The following EBF2 variants were observed in gnomAD, a reference collection of about 807,000 sequenced individuals.
EBF2 encodes the protein EBF transcription factor 2.
A neutral mutation model predicts 72.8 loss-of-function variants in EBF2; 21 were observed. The observed-to-expected ratio is 0.29, with a 90% CI of 0.20 to 0.42. The LOEUF is 0.42. Ranked by LOEUF, EBF2 falls within the 10% of genes least tolerant of loss-of-function variation. The pLI, the probability that EBF2 is intolerant of heterozygous loss-of-function variation, is 1.00. For missense variants in EBF2, 637 were observed against 731.2 expected, an observed-to-expected ratio of 0.87 and a Z score of 1.49; for synonymous variants, 299 against 274.2, an observed-to-expected ratio of 1.09 and a Z score of -0.89.
intron 6 of EBF2, among the ~76,000 whole-genome samples, chr8:26,010,988 TACACACACACAC>T (rs36211488): frequency 2.0e-5 from 3 of 150,762 alleles, no homozygotes; most frequent in African/African-American, 4.9e-5. Flanking sequence ...TATGTGTGCA[TACACACACACAC>T]ACACACACAC....
At chr8:26,025,304 T>G (rs1171794950) in intron 6 of EBF2, among the ~76,000 whole-genome samples, 1 of 152,226 alleles carries the variant, frequency 6.6e-6, no homozygotes, top group Non-Finnish European at 1.5e-5. Context: ...ATTTTTTGTG[T>G]GCTTATTTAC....
At chr8:25,909,252 A>C (rs1482748417) in intron 6 of EBF2, among the ~76,000 whole-genome samples, 1 of 152,152 alleles carries the variant, frequency 6.6e-6, no homozygotes, top group Admixed American at 6.5e-5. Flanking sequence ...CTATCTGTGC[A>C]ATTTTAAAAT....
intron 6 of EBF2, among the ~76,000 whole-genome samples, chr8:26,016,099 T>C (rs1365652241): frequency 6.6e-6 from 1 of 152,218 alleles, no homozygotes; most frequent in Non-Finnish European, 1.5e-5. Context: ...GTCTTTGAGA[T>C]TTATGATGCC....
At chr8:25,873,176 A>T (rs1802470017) in intron 10 of EBF2, among the ~76,000 whole-genome samples, 1 of 152,192 alleles carries the variant, frequency 6.6e-6, no homozygotes, top group Non-Finnish European at 1.5e-5. Flanking sequence ...GATGGGATAA[A>T]GCTGGTCCTA....
intron 6 of EBF2, among the ~76,000 whole-genome samples, chr8:25,963,447 C>T (rs1221566545): frequency 6.6e-6 from 1 of 152,198 alleles, no homozygotes; most frequent in Non-Finnish European, 1.5e-5. Flanking sequence ...TTCTTTCCAT[C>T]ATTAATGCTC....
At chr8:25,871,606 A>G (rs893763902) in intron 10 of EBF2, among the ~76,000 whole-genome samples, 11 of 152,138 alleles carry the variant, frequency 7.2e-5, no homozygotes, top group Admixed American at 1.3e-4. Flanking sequence ...AAGAGAGAAA[A>G]CTCAGACATG....
chr8:25,911,096 A>C (rs1465762830), intron 6 of EBF2, among the ~76,000 whole-genome samples: 1 of 151,922 alleles, frequency 6.6e-6, no homozygotes, highest in Non-Finnish European at 1.5e-5. Context: ...ACCTTCACTA[A>C]TCATACCATC....
At chr8:26,011,429 T>C (rs1307342191) in intron 6 of EBF2, among the ~76,000 whole-genome samples, 1 of 150,024 alleles carries the variant, frequency 6.7e-6, no homozygotes, top group Non-Finnish European at 1.5e-5. Flanking sequence ...TCCTCACCTA[T>C]TGGATTCCCA....
chr8:25,957,080 T>A (rs755403025), intron 6 of EBF2, among the ~76,000 whole-genome samples: 2 of 152,220 alleles, frequency 1.3e-5, no homozygotes, highest in African/African-American at 2.4e-5. Context: ...ATGTCAGAAG[T>A]GTACATCCAA....
At chr8:25,896,193 G>A (rs1802861892) in intron 7 of EBF2, among the ~76,000 whole-genome samples, 1 of 152,202 alleles carries the variant, frequency 6.6e-6, no homozygotes, top group South Asian at 2.1e-4. Context: ...TCCAATGTCT[G>A]CAGTCACTAG....
At chr8:25,946,845 C>G (rs1407009335) in intron 6 of EBF2, among the ~76,000 whole-genome samples, 12 of 152,206 alleles carry the variant, frequency 7.9e-5, no homozygotes. Flanking sequence ...AGGCTTACAA[C>G]ATGATATTAT....
chr8:25,882,293 G>C (rs1802616571), intron 10 of EBF2, among the ~76,000 whole-genome samples: 1 of 152,170 alleles, frequency 6.6e-6, no homozygotes, highest in Non-Finnish European at 1.5e-5. Flanking sequence ...CGCATGCCCT[G>C]CGAGGGGAAC....
intron 2 of EBF2, among the ~76,000 whole-genome samples, 169 bp downstream of exon 2, chr8:26,041,926 G>C (rs975395579): frequency 1.3e-5 from 2 of 152,198 alleles, no homozygotes; most frequent in African/African-American, 4.8e-5. Flanking sequence ...GTCGGGGTGG[G>C]AGGAGGTTCG....
chr8:26,002,897 GGCGGGCA>G, intron 6 of EBF2, among the ~76,000 whole-genome samples: 1 of 8,970 alleles, frequency 1.1e-4, no homozygotes, highest in African/African-American at 5.4e-4. Flanking sequence ...CGGGCAGGCA[GGCGGGCA>G]GGCGGGCAGG....
Position 26,033,079 on chromosome 8 carries a change from CCCTA to C in EBF2, c.551+2_551+5del. 6.2e-7 allele frequency: 1 copy of C among 1,613,786 alleles called. No homozygotes were observed. The highest frequency in any genetic ancestry group is 8.5e-7 in the Non-Finnish European group (1 of 1,179,752). ...AAATGATTGAAAAATCACTTTTTCC[CCCTA>C]CCTGTCAATTATGACTGGGTCCGAT... On this transcript the variant is annotated splice_donor_variant and splice_donor_5th_base_variant and intron_variant, in intron 6 of 15. Coordinates refer to ENST00000520164, the MANE Select transcript of EBF2 (RefSeq NM_022659.4). LOFTEE classifies it high-confidence loss of function.
intron 5 of EBF2, 56 bp from the exon 6 acceptor site, chr8:26,033,209 A>T (rs1805437165): frequency 3.9e-6 from 6 of 1,536,908 alleles, no homozygotes; most frequent in South Asian, 3.4e-5. Flanking sequence ...AAGAAAATGC[A>T]ATGAGCACAT....
intron 10 of EBF2, among the ~76,000 whole-genome samples, chr8:25,872,588 T>C (rs1802458853): frequency 6.6e-6 from 1 of 152,192 alleles, no homozygotes; most frequent in South Asian, 2.1e-4. Context: ...CCCACAGAAC[T>C]AGAGGATCAC....
chr8:25,885,665 C>T (rs1365392086), intron 10 of EBF2, among the ~76,000 whole-genome samples: 1 of 152,100 alleles, frequency 6.6e-6, no homozygotes, highest in Admixed American at 6.5e-5. Context: ...GTGAGTAAGT[C>T]TCACGAGATC....
chr8:25,862,831 TCC>T, intron 10 of EBF2, 34 bp from the exon 11 acceptor site: 2 of 1,525,740 alleles, frequency 1.3e-6, no homozygotes, highest in Non-Finnish European at 1.8e-6. Flanking sequence ...TGAGTTGGTA[TCC>T]TGGCTATAAA....
Sources: gnomAD v4.1 joint callset for allele counts (sites outside exome capture counted in the v4.1 genomes callset) on GRCh38, gnomAD v4.1.1 for gene constraint, MANE v1.5 for transcripts, NCBI Gene and HGNC (gene_info 2026-07-23, HGNC 2026-07-21) for gene names.